Variants in LY86 observed in about 807,000 individuals in gnomAD.
The protein encoded by LY86 is MD-1, RP105-associated.
Under a neutral mutation model 17.3 loss-of-function variants are expected in LY86, and 20 were observed. That is an observed-to-expected ratio of 1.15 (90% CI 0.81 to 1.68). The LOEUF is 1.68. Ranked by LOEUF, LY86 falls within the 40% of genes most tolerant of loss-of-function variation. LY86 has a pLI of 0.00. For missense variants in LY86, 200 were observed against 191.9 expected (o/e 1.04, Z -0.25); for synonymous variants, 74 against 70.6 (o/e 1.05, Z -0.24).
At chr6:6,632,191 G>A (rs1463294273) in intron 3 of LY86, among the ~76,000 whole-genome samples, 1 of 152,132 alleles carries the variant, frequency 6.6e-6, no homozygotes, top group East Asian at 1.9e-4. Flanking sequence ...TTAGATTTGG[G>A]GCAAAAGGGA....
intron 1 of LY86, among the ~76,000 whole-genome samples, chr6:6,611,096 C>T (rs1214129489): frequency 2.6e-5 from 4 of 152,204 alleles, no homozygotes; most frequent in South Asian, 2.1e-4. Context: ...CAGCCACCTC[C>T]GACCTCCAGC....
chr6:6,640,231 T>C (rs1017750435), intron 3 of LY86, among the ~76,000 whole-genome samples: 1 of 152,048 alleles, frequency 6.6e-6, no homozygotes, highest in Non-Finnish European at 1.5e-5. Flanking sequence ...ATGTTTGTCA[T>C]GGAGAGAAAA....
intron 1 of LY86, among the ~76,000 whole-genome samples, chr6:6,605,495 A>T (rs1233364963): frequency 2.0e-5 from 3 of 152,256 alleles, no homozygotes; most frequent in Non-Finnish European, 4.4e-5. Context: ...TTAGCCAGAG[A>T]TCAGTGCCTT....
intron 3 of LY86, among the ~76,000 whole-genome samples, chr6:6,641,946 G>A (rs987412278): frequency 2.6e-5 from 4 of 152,236 alleles, no homozygotes; most frequent in Non-Finnish European, 4.4e-5. Flanking sequence ...GAACCGCAGC[G>A]TGTGCCTCAG....
At chr6:6,603,603 C>CAAAAAAAAAAAAAAAAAAAAAAAAAAAA (rs1207511602) in intron 1 of LY86, among the ~76,000 whole-genome samples, 14 of 70,466 alleles carry the variant, frequency 2.0e-4, no homozygotes, top group Non-Finnish European at 3.5e-4. Flanking sequence ...AAAACAGAAA[C>CAAAAAAAAAAAAAAAAAAAAAAAAAAAA]AGAAAAAAAA....
intron 1 of LY86, 79 bp downstream of exon 1, chr6:6,588,949 A>G: frequency 7.0e-7 from 1 of 1,424,270 alleles, no homozygotes; most frequent in Non-Finnish European, 9.3e-7. Flanking sequence ...GCTCAGTTGG[A>G]GTTGGGGTGG....
At chr6:6,611,976 T>G (rs1761353688) in intron 1 of LY86, among the ~76,000 whole-genome samples, 1 of 92,462 alleles carries the variant, frequency 1.1e-5, no homozygotes, top group Non-Finnish European at 2.1e-5. Flanking sequence ...TGAAAGGATA[T>G]CTACCCCCTT....
chr6:6,609,708 G>A lies in LY86; in HGVS notation c.137-15218G>A, dbSNP rs149233631. The stretch of plus-strand genomic sequence containing the variant: ...TTTTCCTCCTGTTGGTCTGCTGGGG[G>A]ATTGGAGGCAGCCACGGACAATTCA... On this transcript the variant is annotated intron_variant, in intron 1 of 4. Transcript: ENST00000230568. Among the ~76,000 whole-genome samples, 1,259 of 152,304 alleles carry A rather than the reference G, an allele frequency of 8.3e-3. 12 individuals carry two copies. The highest frequency in any genetic ancestry group is 0.026 in the South Asian group (126 of 4,828).
intron 3 of LY86, among the ~76,000 whole-genome samples, chr6:6,637,546 C>T (rs1399487615): frequency 3.9e-5 from 6 of 152,086 alleles, no homozygotes; most frequent in Admixed American, 3.9e-4. Context: ...TTCATAAATC[C>T]AGCTCAGTGA....
intron 1 of LY86, chr6:6,620,821 T>G (rs1210698633): frequency 6.6e-6 from 1 of 152,306 alleles, no homozygotes. Context: ...AACTCTATTT[T>G]ACTCCATGAA....
chr6:6,598,181 A>G (rs1760778278), intron 1 of LY86, among the ~76,000 whole-genome samples: 1 of 152,236 alleles, frequency 6.6e-6, no homozygotes, highest in Non-Finnish European at 1.5e-5. Context: ...ACATACGTAC[A>G]CTGGCCACAA....
intron 1 of LY86, among the ~76,000 whole-genome samples, chr6:6,604,882 A>C (rs901727928): frequency 6.6e-6 from 1 of 151,984 alleles, no homozygotes; most frequent in Non-Finnish European, 1.5e-5. Context: ...TACCTAAAAG[A>C]AGTTATAGAC....
chr6:6,617,622 T>C (rs772808530), intron 1 of LY86, among the ~76,000 whole-genome samples: 4 of 152,154 alleles, frequency 2.6e-5, no homozygotes, highest in Non-Finnish European at 5.9e-5. Flanking sequence ...CTAATCCCCT[T>C]CCTATCACAG....
At chr6:6,610,839 G>C (rs1339637997) in intron 1 of LY86, among the ~76,000 whole-genome samples, 1 of 152,176 alleles carries the variant, frequency 6.6e-6, no homozygotes, top group Non-Finnish European at 1.5e-5. Context: ...AGGTGAGCAT[G>C]TCTGAGCTTA....
chr6:6,626,809 T>C (rs1391537270), intron 3 of LY86, among the ~76,000 whole-genome samples: 1 of 148,828 alleles, frequency 6.7e-6, no homozygotes, highest in Non-Finnish European at 1.5e-5. Flanking sequence ...CTTAATATAG[T>C]AATGGACTTC....
intron 1 of LY86, among the ~76,000 whole-genome samples, chr6:6,589,554 C>T (rs748942285): frequency 2.6e-5 from 4 of 152,230 alleles, no homozygotes; most frequent in Admixed American, 6.5e-5. Flanking sequence ...ACCAACCAAT[C>T]GGGCTGTGTC....
At chr6:6,616,021 C>A (rs1006440754) in intron 1 of LY86, among the ~76,000 whole-genome samples, 1 of 152,204 alleles carries the variant, frequency 6.6e-6, no homozygotes, top group African/African-American at 2.4e-5. Context: ...CTAATAGACT[C>A]CATCCTCCTT....
intron 3 of LY86, among the ~76,000 whole-genome samples, chr6:6,649,147 G>A (rs1403395760): frequency 6.6e-6 from 1 of 152,230 alleles, no homozygotes; most frequent in Non-Finnish European, 1.5e-5. Flanking sequence ...TTATACGGTG[G>A]CAGGCAAGAG....
At chr6:6,619,065 C>T (rs563944011) in intron 1 of LY86, among the ~76,000 whole-genome samples, 2 of 152,278 alleles carry the variant, frequency 1.3e-5, no homozygotes, top group East Asian at 3.9e-4. Context: ...CATCATCCTC[C>T]TGTAAAGGTC....
Sources: gnomAD v4.1 joint callset for allele counts (sites outside exome capture counted in the v4.1 genomes callset) on GRCh38, gnomAD v4.1.1 for gene constraint, MANE v1.5 for transcripts, NCBI Gene and HGNC (gene_info 2026-07-23, HGNC 2026-07-21) for gene names.